Variants in CLVS1 observed in about 807,000 individuals in gnomAD.
CLVS1 encodes the protein clavesin-1.
In CLVS1, 10 loss-of-function variants were observed where a neutral mutation model predicts 33.1. The observed-to-expected ratio is 0.30, with a 90% CI of 0.19 to 0.51. The LOEUF (loss-of-function observed/expected upper bound fraction) is 0.51. Among genes scored for constraint, CLVS1 ranks in the 20% least tolerant of loss-of-function variants. CLVS1 has a pLI of 0.97. For missense variants in CLVS1, 343 were observed against 433.4 expected (o/e 0.79, Z 1.85); for synonymous variants, 163 against 166.1 (o/e 0.98, Z 0.14).
intron 3 of CLVS1, among the ~76,000 whole-genome samples, chr8:61,425,412 A>G (rs1585955068): frequency 6.6e-6 from 1 of 151,746 alleles, no homozygotes; most frequent in Non-Finnish European, 1.5e-5. Context: ...ATCAATATGT[A>G]TCTCAACAGT....
rs759034109 is a variant in CLVS1, at chr8:61,499,585, G to GTA, written c.*45_*46dup. 1.1e-5 allele frequency: 16 copies of GTA among 1,475,394 alleles called. No individual in the cohort carries two copies. In the Admixed American group the frequency reaches 2.5e-4, roughly 23 times the overall value. 91.4% of individuals were successfully genotyped at this position (1,475,394 alleles called of 1,614,324 possible). ...TGCTCCTGCACACTGGCCTTCAGTG[G>GTA]TATCAGCCACCCAGGAAGCACATGC... On this transcript the variant is annotated 3_prime_UTR_variant, in exon 6 of 6. Coordinates refer to ENST00000325897, the MANE Select transcript of CLVS1 (RefSeq NM_173519.3).
At chr8:60,976,730 G>C in the CLVS1 span, among the ~76,000 whole-genome samples, 1 of 152,392 alleles carries the variant, frequency 6.6e-6, no homozygotes, top group East Asian at 1.9e-4. Context: ...AATTTCAGCT[G>C]TTTGTCTAGC....
intron 1 of CLVS1, among the ~76,000 whole-genome samples, chr8:61,063,420 T>C (rs1358959621): frequency 6.6e-6 from 1 of 151,798 alleles, no homozygotes; most frequent in Non-Finnish European, 1.5e-5. Flanking sequence ...TGGAGGGTGG[T>C]GTTGAGAATA....
chr8:61,105,160 A>G (rs1226985077), intron 1 of CLVS1, among the ~76,000 whole-genome samples: 2 of 152,204 alleles, frequency 1.3e-5, no homozygotes, highest in African/African-American at 2.4e-5. Context: ...GACTAACTAT[A>G]TTTGAGATAT....
At chr8:61,417,102 T>A (rs536161699) in intron 3 of CLVS1, among the ~76,000 whole-genome samples, 1 of 151,974 alleles carries the variant, frequency 6.6e-6, no homozygotes, top group African/African-American at 2.4e-5. Flanking sequence ...ACAAAAGAGA[T>A]GGGGAAGACA....
At chr8:60,967,612 G>A in the CLVS1 span, 3 of 455,778 alleles carry the variant, frequency 6.6e-6, no homozygotes, top group African/African-American at 4.0e-5. Context: ...GGAACCATGT[G>A]TGGCTGCCTC....
intron 1 of CLVS1, among the ~76,000 whole-genome samples, chr8:61,080,262 T>C (rs7004563): frequency 0.56 from 84,671 of 152,112 alleles, 26,378 homozygotes; most frequent in African/African-American, 0.84. Flanking sequence ...GTCTACTTGG[T>C]CACCAGTAGC....
the CLVS1 span, among the ~76,000 whole-genome samples, chr8:60,973,820 C>T: frequency 6.6e-5 from 10 of 152,288 alleles, no homozygotes; most frequent in East Asian, 5.8e-4. Context: ...AGCTGCTGAT[C>T]GCCAGTTTCA....
chr8:61,164,495 T>C (rs1192075141), intron 2 of CLVS1, among the ~76,000 whole-genome samples: 1 of 152,132 alleles, frequency 6.6e-6, no homozygotes, highest in Non-Finnish European at 1.5e-5. Context: ...TGCCCCAACA[T>C]CTGTCTGACA....
intron 3 of CLVS1, among the ~76,000 whole-genome samples, chr8:61,393,150 G>T (rs907295183): frequency 4.6e-5 from 7 of 152,110 alleles, no homozygotes; most frequent in African/African-American, 1.7e-4. Flanking sequence ...CCAAAGTGCT[G>T]GGATTACAGG....
intron 2 of CLVS1, among the ~76,000 whole-genome samples, chr8:61,216,740 C>G (rs531056758): frequency 6.2e-4 from 95 of 152,336 alleles, no homozygotes; most frequent in South Asian, 1.4e-3. Flanking sequence ...AAGGAGACAG[C>G]TGAGCAGAGT....
At chr8:61,121,385 C>T (rs753893186) in intron 1 of CLVS1, among the ~76,000 whole-genome samples, 4 of 152,140 alleles carry the variant, frequency 2.6e-5, no homozygotes, top group African/African-American at 7.2e-5. Context: ...ATTCGGCCAT[C>T]TTGGCTCCTT....
chr8:61,227,220 T>C (rs1013382563), intron 2 of CLVS1, among the ~76,000 whole-genome samples: 4 of 152,100 alleles, frequency 2.6e-5, no homozygotes, highest in Non-Finnish European at 5.9e-5. Flanking sequence ...AGTGCTATTT[T>C]GAATTAATTC....
rs748171979 is a variant in CLVS1 at position 61,458,487 on chromosome 8, G to A, written c.922G>A (p.Val308Met). The change falls in exon 5 of 6, where the codon GTG (valine) becomes ATG (methionine). Residue 308 changes from valine (V) to methionine (M), a missense_variant. Coordinates refer to ENST00000325897, the MANE Select transcript of CLVS1 (RefSeq NM_173519.3). ...TCACACATCCTATAATGCAATGCAC[G>A]TGAAGCATACGTCCTCGAATCTGGA... ...YTHTSYNAMH[V>M]KHTSSNLERE... 5.0e-6 allele frequency: 8 copies of A among 1,613,776 alleles called. No homozygotes were observed. Among genetic ancestry groups the A allele is most frequent in the South Asian group, 3.3e-5 (3 of 91,050 alleles).
intron 5 of CLVS1, among the ~76,000 whole-genome samples, chr8:61,498,869 C>G (rs760761840): frequency 6.6e-6 from 1 of 152,200 alleles, no homozygotes; most frequent in African/African-American, 2.4e-5. Context: ...CCATCTGATT[C>G]ATGGTCTTAA....
In CLVS1 at chr8:61,294,084, C is replaced by A. The variant is rs144308392; in HGVS notation, c.-151-5593C>A. On this transcript the variant is annotated intron_variant, in intron 1 of 5. Transcript: ENST00000325897. ...ATTCTATTTCCTCCCCAAATTTGGG[C>A]AGTTTTACAACACCCCTTAAATGAT... Among the ~76,000 whole-genome samples, 9 of 152,124 alleles carry A rather than the reference C, an allele frequency of 5.9e-5. No individual in the cohort carries two copies. The East Asian group carries it at 1.5e-3, about 26-fold the overall frequency.
chr8:61,219,153 T>C (rs1184343099), intron 2 of CLVS1, among the ~76,000 whole-genome samples: 1 of 152,124 alleles, frequency 6.6e-6, no homozygotes, highest in Non-Finnish European at 1.5e-5. Flanking sequence ...GTAGGTCTTA[T>C]TAATTCTTTT....
chr8:61,300,335 C>A, intron 2 of CLVS1, 53 bp downstream of exon 2: 1 of 1,451,050 alleles, frequency 6.9e-7, no homozygotes, highest in Non-Finnish European at 9.4e-7. Context: ...AGCATTATCA[C>A]TGCATGTTTG....
At chr8:61,057,551 T>C (rs550817705) in intron 1 of CLVS1, among the ~76,000 whole-genome samples, 2 of 152,320 alleles carry the variant, frequency 1.3e-5, no homozygotes, top group East Asian at 3.9e-4. Context: ...TGAGAATCAA[T>C]TATAATCCTT....
Sources: allele counts gnomAD v4.1 joint callset (sites outside exome capture counted in the v4.1 genomes callset), GRCh38; gene constraint gnomAD v4.1.1; transcripts MANE v1.5; gene names NCBI Gene and HGNC (gene_info 2026-07-23, HGNC 2026-07-21).